Variants in GLIS1 observed in about 807,000 individuals in gnomAD.
GLIS1 encodes zinc finger protein GLIS1.
A neutral mutation model predicts 63.8 loss-of-function variants in GLIS1; 24 were observed. The ratio of observed to expected loss-of-function variants is 0.38; its 90% CI spans 0.27 to 0.53. The LOEUF (loss-of-function observed/expected upper bound fraction) is 0.53. Among genes scored for constraint, GLIS1 ranks in the 20% least tolerant of loss-of-function variants. GLIS1 has a pLI of 0.85. For synonymous variants in GLIS1, 450 were observed against 482.5 expected (o/e 0.93, Z 0.88); for missense variants, 1,036 against 1,074.1 (o/e 0.96, Z 0.50).
intron 2 of GLIS1, among the ~76,000 whole-genome samples, chr1:53,674,262 G>T (rs903797159): frequency 6.6e-5 from 10 of 151,940 alleles, no homozygotes; most frequent in African/African-American, 2.2e-4. Context: ...GCTTTGATCA[G>T]TGCTACCCAA....
At chr1:53,571,743 A>AT (rs912028354) in intron 4 of GLIS1, among the ~76,000 whole-genome samples, 5 of 151,846 alleles carry the variant, frequency 3.3e-5, no homozygotes, top group Admixed American at 6.6e-5. Flanking sequence ...TGCCCGGCTA[A>AT]TTTTTTTTGT....
intron 4 of GLIS1, among the ~76,000 whole-genome samples, chr1:53,569,077 T>G (rs1048008583): frequency 6.6e-6 from 1 of 152,232 alleles, no homozygotes; most frequent in Non-Finnish European, 1.5e-5. Context: ...TACTGTATGA[T>G]TCCAACCATA....
Position 53,540,425 on chromosome 1 carries a change from C to T in GLIS1, c.1321-10473G>A, listed in dbSNP as rs373399534. Among the ~76,000 whole-genome samples, 3 of 152,158 alleles carry T rather than the reference C, an allele frequency of 2.0e-5. No individual in the cohort carries two copies. The South Asian group carries it at 6.2e-4, about 32-fold the overall frequency. On this transcript the variant is annotated intron_variant, in intron 4 of 10. Coordinates refer to ENST00000628545, the MANE Select transcript of GLIS1 (RefSeq NM_001367484.1). ...CCACGGCCTCAGCAGGGGTCTCCCT[C>T]CCCCAGGGATGGCCTGGGGCTCAGG...
At chr1:53,682,573 G>A (rs1237468370) in intron 2 of GLIS1, among the ~76,000 whole-genome samples, 4 of 152,252 alleles carry the variant, frequency 2.6e-5, no homozygotes, top group African/African-American at 2.4e-5. Flanking sequence ...GCAGCACTTC[G>A]CTTATTAGAA....
intron 2 of GLIS1, among the ~76,000 whole-genome samples, chr1:53,620,495 G>A (rs879147914): frequency 2.6e-5 from 4 of 152,210 alleles, no homozygotes; most frequent in South Asian, 4.1e-4. Context: ...GGACCCCGTC[G>A]GCGGCTTGGC....
intron 2 of GLIS1, among the ~76,000 whole-genome samples, chr1:53,691,132 G>C (rs939395799): frequency 4.6e-5 from 7 of 152,128 alleles, no homozygotes; most frequent in African/African-American, 1.7e-4. Flanking sequence ...GAGTCAGGAG[G>C]ATCACTCAAG....
chr1:53,542,706 G>C (rs1644655989), intron 4 of GLIS1, among the ~76,000 whole-genome samples: 1 of 152,236 alleles, frequency 6.6e-6, no homozygotes, highest in Non-Finnish European at 1.5e-5. Context: ...AAAGCTGCGA[G>C]GTCCTGAGCT....
intron 2 of GLIS1, among the ~76,000 whole-genome samples, chr1:53,712,956 A>T (rs1281862164): frequency 6.6e-6 from 1 of 152,210 alleles, no homozygotes; most frequent in Non-Finnish European, 1.5e-5. Flanking sequence ...GAAAAAACAC[A>T]GGTAAAAAGT....
At chr1:53,570,563 G>T (rs373622025) in intron 4 of GLIS1, among the ~76,000 whole-genome samples, 1 of 152,124 alleles carries the variant, frequency 6.6e-6, no homozygotes, top group Non-Finnish European at 1.5e-5. Flanking sequence ...AACTTTTTAT[G>T]AAACTATGGT....
intron 4 of GLIS1, among the ~76,000 whole-genome samples, chr1:53,572,804 C>T (rs1644996250): frequency 6.6e-6 from 1 of 152,196 alleles, no homozygotes; most frequent in Non-Finnish European, 1.5e-5. Context: ...TTGCCTGGAG[C>T]TGGGGCAAGG....
chr1:53,582,931 G>A (rs1645100145), intron 4 of GLIS1, among the ~76,000 whole-genome samples: 1 of 152,184 alleles, frequency 6.6e-6, no homozygotes, highest in African/African-American at 2.4e-5. Flanking sequence ...GGATCTTACG[G>A]AAGTATCTGA....
intron 2 of GLIS1, among the ~76,000 whole-genome samples, chr1:53,705,747 G>C (rs772452816): frequency 6.6e-6 from 1 of 152,142 alleles, no homozygotes; most frequent in Non-Finnish European, 1.5e-5. Context: ...GGAGGTGAGG[G>C]GAGCCTTCCA....
At chr1:53,524,653 G>A in intron 6 of GLIS1, 124 bp downstream of exon 6, 1 of 697,330 alleles carries the variant, frequency 1.4e-6, no homozygotes, top group South Asian at 1.7e-5. Context: ...ACGAACGGAT[G>A]GACGAACAGT....
At chr1:53,654,425 G>A (rs1569993369) in intron 2 of GLIS1, among the ~76,000 whole-genome samples, 1 of 152,194 alleles carries the variant, frequency 6.6e-6, no homozygotes, top group African/African-American at 2.4e-5. Flanking sequence ...CTGGGGTGCC[G>A]CCTGGGTGTC....
chr1:53,551,516 C>T (rs1389673885), intron 4 of GLIS1, among the ~76,000 whole-genome samples: 2 of 152,166 alleles, frequency 1.3e-5, no homozygotes, highest in African/African-American at 4.8e-5. Flanking sequence ...CACCTCTGTC[C>T]TGATGCCTCC....
intron 4 of GLIS1, among the ~76,000 whole-genome samples, chr1:53,592,013 C>T (rs1645196986): frequency 6.6e-6 from 1 of 152,248 alleles, no homozygotes; most frequent in Non-Finnish European, 1.5e-5. Flanking sequence ...TCATCTCCCA[C>T]CCATCTCTGA....
intron 2 of GLIS1, among the ~76,000 whole-genome samples, chr1:53,649,222 G>A (rs943401340): frequency 1.3e-5 from 2 of 152,144 alleles, no homozygotes; most frequent in African/African-American, 4.8e-5. Flanking sequence ...AAGTTTAAAT[G>A]TATCCAAATC....
chr1:53,599,718 G>A (rs1412283426), intron 3 of GLIS1, among the ~76,000 whole-genome samples: 1 of 152,226 alleles, frequency 6.6e-6, no homozygotes, highest in African/African-American at 2.4e-5. Flanking sequence ...GTGGGCCATG[G>A]TCTCCTGGGG....
At chr1:53,572,398 C>T (rs771508824) in intron 4 of GLIS1, among the ~76,000 whole-genome samples, 1 of 152,210 alleles carries the variant, frequency 6.6e-6, no homozygotes, top group Non-Finnish European at 1.5e-5. Flanking sequence ...TAATAAAGAT[C>T]AGCGCAGTCA....
Sources: gnomAD v4.1 joint callset for allele counts (sites outside exome capture counted in the v4.1 genomes callset) on GRCh38, gnomAD v4.1.1 for gene constraint, MANE v1.5 for transcripts, NCBI Gene and HGNC (gene_info 2026-07-23, HGNC 2026-07-21) for gene names.